The following FBRSL1 variants were observed in gnomAD, a reference collection of about 807,000 sequenced individuals.
FBRSL1 encodes fibrosin like 1.
Under a neutral mutation model 89.6 loss-of-function variants are expected in FBRSL1, and 51 were observed. That is an observed-to-expected ratio of 0.57 (90% CI 0.45 to 0.72). The LOEUF (loss-of-function observed/expected upper bound fraction) is 0.72. Among genes scored for constraint, FBRSL1 ranks in the 30% least tolerant of loss-of-function variants. The probability of loss-of-function intolerance (pLI) is 0.00; values close to 1 mark genes in which losing one functional copy is unlikely to be tolerated. For missense variants in FBRSL1, 1,618 were observed against 1,451.8 expected (o/e 1.11, Z -1.86); for synonymous variants, 779 against 681.1 (o/e 1.14, Z -2.24).
rs1036500180 is a variant in FBRSL1 at position 132,585,017 on chromosome 12, T to C, written c.*1239T>C. On this transcript the variant is annotated 3_prime_UTR_variant, in exon 19 of 19. Transcript: ENST00000680143. ...CCTTGCGGCCTTTTGTGTTCCCCGA[T>C]GTCTGGGCTGTGTCCCTGCCGGGAT... 3.4e-5 allele frequency: 5 copies of C among 148,126 alleles called. No individual in the cohort carries two copies. Among genetic ancestry groups the C allele is most frequent in the Admixed American group, 1.3e-4 (2 of 14,972 alleles). 9.2% of individuals were successfully genotyped at this position (148,126 alleles called of 1,614,324 possible).
chr12:132,528,575 G>T (rs1425814825), intron 4 of FBRSL1, among the ~76,000 whole-genome samples: 1 of 151,958 alleles, frequency 6.6e-6, no homozygotes, highest in Non-Finnish European at 1.5e-5. Context: ...GGGGGAGCGG[G>T]TGTGTTTCCC....
At chr12:132,509,115 C>T (rs1332796267) in intron 2 of FBRSL1, 33 of 1,187,024 alleles carry the variant, frequency 2.8e-5, no homozygotes, top group South Asian at 4.1e-5. Context: ...ACGGGGGTTC[C>T]GCGGGCGGTG....
At chr12:132,576,613 G>C (rs12820748) in intron 14 of FBRSL1, among the ~76,000 whole-genome samples, 186 bp from the exon 15 acceptor site, 1 of 152,232 alleles carries the variant, frequency 6.6e-6, no homozygotes, top group Admixed American at 6.5e-5. Flanking sequence ...CTCCCGTTCA[G>C]CTTTTTTGCT....
rs917265088 is a variant in FBRSL1, at chr12:132,570,255, G to T, written c.1007+14G>T. 1.3e-6 allele frequency: 2 copies of T among 1,491,614 alleles called. No homozygotes were observed. The highest frequency in any genetic ancestry group is 2.6e-5 in the South Asian group (2 of 77,408). 92.4% of individuals were successfully genotyped at this position (1,491,614 alleles called of 1,614,324 possible). A position where few individuals can be genotyped will look rare whatever the true frequency, so the allele number is the denominator to read the frequency against. On this transcript the variant is annotated intron_variant, in intron 7 of 18. Coordinates refer to ENST00000680143, the MANE Select transcript of FBRSL1 (RefSeq NM_001367871.1). The stretch of plus-strand genomic sequence containing the variant: ...GCACGGCCTCAGGTGGGGTCCCCGC[G>T]GGGGACGGGGCCTGTGTGGTCTCAG...
intron 5 of FBRSL1, among the ~76,000 whole-genome samples, chr12:132,548,598 C>CG (rs1021503369): frequency 4.6e-5 from 7 of 152,134 alleles, no homozygotes; most frequent in Non-Finnish European, 5.9e-5. Context: ...GAGCAGCCTC[C>CG]GGGGGGGCTC....
At chr12:132,564,549 C>G (rs150171660) in intron 5 of FBRSL1, among the ~76,000 whole-genome samples, 53,172 of 112,394 alleles carry the variant, frequency 0.47, 11,867 homozygotes, top group East Asian at 0.83. Context: ...AGGCTGGAGT[C>G]CAGTGGTACG....
In FBRSL1 at chr12:132,499,437, G is replaced by A. The variant is rs1172643854; in HGVS notation, c.291+8576G>A. Among the ~76,000 whole-genome samples, 6 of 152,204 alleles carry A rather than the reference G, an allele frequency of 3.9e-5. No individual in the cohort carries two copies. Among genetic ancestry groups the A allele is most frequent in the Non-Finnish European group, 8.8e-5 (6 of 68,038 alleles). On this transcript the variant is annotated intron_variant, in intron 1 of 18. Transcript: ENST00000680143. The surrounding 1 kb of genome is among the most constrained non-coding windows in gnomAD (Gnocchi z 4.3). ...ACTTTATAAGCATTTATTGAGCACC[G>A]GCTGTGTGCCAGGCCCTGGGCCGGC... is the stretch of plus-strand genomic sequence containing the variant.
intron 15 of FBRSL1, chr12:132,580,947 T>G: frequency 1.0e-6 from 1 of 985,442 alleles, no homozygotes; most frequent in Non-Finnish European, 1.2e-6. Flanking sequence ...CGTGGTGCTG[T>G]GGGCTGGGCC....
At chr12:132,575,692 G>A (rs1476537604) in intron 14 of FBRSL1, among the ~76,000 whole-genome samples, 1 of 152,274 alleles carries the variant, frequency 6.6e-6, no homozygotes. Context: ...ACAGAGGAGG[G>A]CAGATCCTGC....
rs367937442 is a variant in FBRSL1, at chr12:132,510,731, C to A, written c.489+2381C>A. On this transcript the variant is annotated intron_variant, in intron 2 of 18. Coordinates refer to ENST00000680143, the MANE Select transcript of FBRSL1 (RefSeq NM_001367871.1). ...CGCCCCGCCATGCTCCCTCTCCCCC[C>A]ACTGGCGTCACAGTGCCCCCACCCG... The A allele has an allele frequency of 5.6e-4, 677 of 1,207,816 alleles. 3 individuals are homozygous for A. The African/African-American group carries it at 9.6e-3, about 17-fold the overall frequency. The allele number at this position is 1,207,816 out of a possible 1,614,324, so 74.8% of individuals were successfully genotyped here. A position where few individuals can be genotyped will look rare whatever the true frequency, so the allele number is the denominator to read the frequency against.
chr12:132,521,371 T>C (rs1351379569), intron 2 of FBRSL1, among the ~76,000 whole-genome samples: 3 of 152,198 alleles, frequency 2.0e-5, no homozygotes, highest in Non-Finnish European at 2.9e-5. Flanking sequence ...TCCCGTCTCC[T>C]GCTGGAACTG....
At chr12:132,507,745 G>T (rs573999159) in intron 1 of FBRSL1, among the ~76,000 whole-genome samples, 1 of 152,254 alleles carries the variant, frequency 6.6e-6, no homozygotes, top group South Asian at 2.1e-4. Flanking sequence ...TTCTTGTGGG[G>T]CCTGGGTGTC....
chr12:132,566,371 A>G (rs987492381), intron 5 of FBRSL1: 12 of 151,546 alleles, frequency 7.9e-5, no homozygotes, highest in Non-Finnish European at 2.9e-5. Flanking sequence ...GATAGACAGA[A>G]ACGTTGAATC....
intron 15 of FBRSL1, chr12:132,580,727 G>A: frequency 1.0e-6 from 1 of 974,398 alleles, no homozygotes; most frequent in African/African-American, 1.8e-5. Context: ...CCATCTTTGA[G>A]GTCCCTAAGA....
intron 6 of FBRSL1, among the ~76,000 whole-genome samples, chr12:132,568,545 G>A (rs1173208610): frequency 1.3e-5 from 2 of 152,256 alleles, no homozygotes; most frequent in Admixed American, 6.5e-5. Flanking sequence ...GGCTGCTGCC[G>A]CATCTGGACG....
chr12:132,544,258 G>C (rs906729673), intron 4 of FBRSL1, among the ~76,000 whole-genome samples: 1 of 152,180 alleles, frequency 6.6e-6, no homozygotes, highest in Non-Finnish European at 1.5e-5. Flanking sequence ...TGGATGGTGA[G>C]GTCCGACAGA....
At chr12:132,571,399 C>A in intron 9 of FBRSL1, 168 bp downstream of exon 9, 1 of 1,550,958 alleles carries the variant, frequency 6.4e-7, no homozygotes, top group Non-Finnish European at 8.7e-7. Context: ...GGCTCTGCTG[C>A]GGGCGGAGTT....
chr12:132,531,604 A>G (rs1206973986), intron 4 of FBRSL1, among the ~76,000 whole-genome samples: 1 of 151,896 alleles, frequency 6.6e-6, no homozygotes, highest in Non-Finnish European at 1.5e-5. Flanking sequence ...GTGTGTTTGC[A>G]TGCTGTGCAT....
chr12:132,564,864 C>T lies in FBRSL1; in HGVS notation c.646-2617C>T, dbSNP rs145340520. Among the ~76,000 whole-genome samples, 30 of 151,796 alleles carry T rather than the reference C, an allele frequency of 2.0e-4. No individual in the cohort carries two copies. The East Asian group carries it at 2.9e-3, about 15-fold the overall frequency. On this transcript the variant is annotated intron_variant, in intron 5 of 18. Coordinates refer to ENST00000680143, the MANE Select transcript of FBRSL1 (RefSeq NM_001367871.1). Reference sequence around the variant, plus strand: ...CAGGATGGTCTCGATCTGCTGACCTCGTGATCCGCCGGCCTCGGCCTCCCG... The same window carrying T: ...CAGGATGGTCTCGATCTGCTGACCTTGTGATCCGCCGGCCTCGGCCTCCCG...
Sources: gnomAD v4.1 joint callset for allele counts (sites outside exome capture counted in the v4.1 genomes callset) on GRCh38, gnomAD v4.1.1 for gene constraint, Gnocchi (gnomAD v3.1) non-coding constraint, MANE v1.5 for transcripts, NCBI Gene and HGNC (gene_info 2026-07-23, HGNC 2026-07-21) for gene names.